The following SYT17 variants were observed in gnomAD, a reference collection of about 807,000 sequenced individuals.
SYT17 encodes the protein synaptotagmin-17.
In SYT17, 22 loss-of-function variants were observed where a neutral mutation model predicts 46.7. The observed-to-expected ratio is 0.47, with a 90% CI of 0.34 to 0.67. SYT17 has a LOEUF of 0.67. Among genes scored for constraint, SYT17 ranks in the 30% least tolerant of loss-of-function variants. The probability of loss-of-function intolerance (pLI) is 0.01; values close to 1 mark genes in which losing one functional copy is unlikely to be tolerated. For missense variants in SYT17, 519 were observed against 612.8 expected (o/e 0.85, Z 1.62); for synonymous variants, 251 against 248.4 (o/e 1.01, Z -0.10).
At chr16:19,252,182 C>G (rs1045612342) in intron 7 of SYT17, among the ~76,000 whole-genome samples, 17 of 146,388 alleles carry the variant, frequency 1.2e-4, no homozygotes, top group Non-Finnish European at 1.5e-5. Context: ...AACAAAAAAA[C>G]CATGTTTGAG....
intron 1 of SYT17, chr16:19,170,384 G>C (rs1422963502): frequency 6.6e-6 from 1 of 151,932 alleles, no homozygotes; most frequent in Admixed American, 6.6e-5. Context: ...CTGCGGGGCT[G>C]GTTTTGATCT....
At chr16:19,202,248 T>C (rs1965495650) in intron 5 of SYT17, among the ~76,000 whole-genome samples, 1 of 152,120 alleles carries the variant, frequency 6.6e-6, no homozygotes, top group Admixed American at 6.6e-5. Context: ...GGCTAATAAA[T>C]TGGGAGTTCC....
chr16:19,213,028 A>T (rs952162978), intron 5 of SYT17, among the ~76,000 whole-genome samples: 5 of 152,206 alleles, frequency 3.3e-5, no homozygotes, highest in Non-Finnish European at 5.9e-5. Context: ...CTTTCTTCTT[A>T]AGAGACAGGG....
intron 7 of SYT17, among the ~76,000 whole-genome samples, chr16:19,257,122 T>C (rs920156474): frequency 1.3e-5 from 2 of 152,236 alleles, no homozygotes; most frequent in Non-Finnish European, 1.5e-5. Flanking sequence ...GATTTGCTGT[T>C]ACTGATTTTT....
chr16:19,265,806 G>T (rs1969316727), intron 7 of SYT17, among the ~76,000 whole-genome samples: 1 of 152,220 alleles, frequency 6.6e-6, no homozygotes, highest in Non-Finnish European at 1.5e-5. Context: ...GTCTCATTAG[G>T]CTTGAAAGAC....
intron 5 of SYT17, among the ~76,000 whole-genome samples, chr16:19,209,112 G>C (rs1273186615): frequency 1.7e-4 from 26 of 151,796 alleles, no homozygotes; most frequent in Admixed American, 1.7e-3. Context: ...CAAGTGATCT[G>C]CCTGCCTCAG....
chr16:19,192,006 A>G (rs1311876368), intron 5 of SYT17, among the ~76,000 whole-genome samples: 2 of 152,142 alleles, frequency 1.3e-5, no homozygotes, highest in African/African-American at 4.8e-5. Context: ...GGATGGTCTC[A>G]ATCTTCTGAC....
chr16:19,205,642 A>G (rs757708572), intron 5 of SYT17, among the ~76,000 whole-genome samples: 4 of 151,970 alleles, frequency 2.6e-5, no homozygotes, highest in East Asian at 3.9e-4. Flanking sequence ...CAAAGATACA[A>G]AGATACTTTT....
At chr16:19,217,741 C>T (rs906618605) in intron 5 of SYT17, among the ~76,000 whole-genome samples, 18 of 152,182 alleles carry the variant, frequency 1.2e-4, no homozygotes, top group South Asian at 4.1e-4. Context: ...CATACACCAA[C>T]CTGTTTACCA....
At position 19,233,486 on chromosome 16, in the gene SYT17, A is replaced by C. The variant is rs1337576114; in HGVS notation, c.1228+8648A>C. ...GGGCACATAGCATAATCCCATTTCT[A>C]AAAAAAAAAAAAATTAAAAATTAGC... On this transcript the variant is annotated intron_variant, in intron 7 of 7. Transcript: ENST00000355377. 4.4e-5 allele frequency among the ~76,000 whole-genome samples: 5 copies of C among 112,834 alleles called. No individual in the cohort carries two copies. In the South Asian group the frequency reaches 1.5e-3, roughly 33 times the overall value. 74.0% of individuals were successfully genotyped at this position (112,834 alleles called of 152,430 possible). A position where few individuals can be genotyped will look rare whatever the true frequency, so the allele number is the denominator to read the frequency against.
At chr16:19,213,869 G>A (rs1374097834) in intron 5 of SYT17, among the ~76,000 whole-genome samples, 1 of 152,120 alleles carries the variant, frequency 6.6e-6, no homozygotes, top group Admixed American at 6.5e-5. Context: ...TTCGGTTCCT[G>A]TTAAAATTTT....
intron 7 of SYT17, among the ~76,000 whole-genome samples, chr16:19,257,623 C>T (rs1968670294): frequency 1.3e-5 from 2 of 152,180 alleles, no homozygotes; most frequent in South Asian, 2.1e-4. Flanking sequence ...TCATGAACAC[C>T]CTGATGATGG....
chr16:19,218,182 G>T (rs1428311266), intron 5 of SYT17, among the ~76,000 whole-genome samples: 1 of 152,198 alleles, frequency 6.6e-6, no homozygotes, highest in Non-Finnish European at 1.5e-5. Context: ...CTCCATAAAG[G>T]TTTGCTGTAA....
chr16:19,172,996 C>T (rs1567195927), intron 2 of SYT17: 4 of 604,444 alleles, frequency 6.6e-6, no homozygotes, highest in South Asian at 2.2e-5. Context: ...CTACTTATTC[C>T]GTTTGATTAT....
chr16:19,245,711 C>A (rs114901911), intron 7 of SYT17, among the ~76,000 whole-genome samples: 1,594 of 152,306 alleles, frequency 0.01, 37 homozygotes, highest in African/African-American at 0.036. Flanking sequence ...ACAGAAATAC[C>A]TTGCTCTGCA....
rs1375279751 is a variant in SYT17, at chr16:19,264,456, A to G, written c.1229-2424A>G. 2.6e-5 allele frequency among the ~76,000 whole-genome samples: 4 copies of G among 152,308 alleles called. No homozygotes were observed. In the South Asian group the frequency reaches 8.3e-4, roughly 32 times the overall value. On this transcript the variant is annotated intron_variant, in intron 7 of 7. Transcript: ENST00000355377. Reference sequence around the variant, plus strand: ...TTGTGCAGAAAATTCTATGGGATCAATTCCTAGAAGTGAAATTGCTGAGTC... The same window carrying G: ...TTGTGCAGAAAATTCTATGGGATCAGTTCCTAGAAGTGAAATTGCTGAGTC...
chr16:19,229,626 G>A (rs1345101092), intron 7 of SYT17, among the ~76,000 whole-genome samples: 1 of 152,130 alleles, frequency 6.6e-6, no homozygotes, highest in Non-Finnish European at 1.5e-5. Flanking sequence ...CAGAAAGGCA[G>A]AAAAAAGAAA....
At chr16:19,234,565 A>G (rs758501233) in intron 7 of SYT17, among the ~76,000 whole-genome samples, 4 of 152,190 alleles carry the variant, frequency 2.6e-5, no homozygotes, top group African/African-American at 9.6e-5. Context: ...AATATGATTG[A>G]TGATGATGAT....
intron 5 of SYT17, among the ~76,000 whole-genome samples, chr16:19,217,972 A>G (rs749993947): frequency 8.5e-5 from 13 of 152,204 alleles, no homozygotes; most frequent in Admixed American, 2.6e-4. Context: ...ATCACCAGAA[A>G]CCTTGTGTAA....
Sources: gnomAD v4.1 joint callset for allele counts (sites outside exome capture counted in the v4.1 genomes callset) on GRCh38, gnomAD v4.1.1 for gene constraint, MANE v1.5 for transcripts, NCBI Gene and HGNC (gene_info 2026-07-23, HGNC 2026-07-21) for gene names.